Variants in GNS observed in about 807,000 individuals in gnomAD.
GNS encodes glucosamine (N-acetyl)-6-sulfatase, also known as N-acetylglucosamine-6-sulfatase.
A neutral mutation model predicts 69.7 loss-of-function variants in GNS; 40 were observed. The observed-to-expected ratio is 0.57, with a 90% CI of 0.45 to 0.75. The LOEUF (loss-of-function observed/expected upper bound fraction) is 0.75, where lower values mean the gene tolerates loss of function less well. GNS is among the 30% of genes least tolerant of loss of function. The pLI is 0.00. For synonymous variants in GNS, 243 were observed against 251.6 expected, an observed-to-expected ratio of 0.97 and a Z score of 0.32; for missense variants, 565 against 685.5, an observed-to-expected ratio of 0.82 and a Z score of 1.96.
chr12:64,741,760 C>A (rs935954070), intron 6 of GNS, among the ~76,000 whole-genome samples: 2 of 152,148 alleles, frequency 1.3e-5, no homozygotes, highest in Non-Finnish European at 2.9e-5. Flanking sequence ...CCTAAGCCAC[C>A]AGATCTCAAA....
chr12:64,729,470 A>G (rs1869315632), intron 9 of GNS, among the ~76,000 whole-genome samples: 1 of 152,222 alleles, frequency 6.6e-6, no homozygotes, highest in South Asian at 2.1e-4. Flanking sequence ...ACATTTTGGA[A>G]GGCCTCAAAA....
At chr12:64,743,959 C>T (rs577297605) in intron 5 of GNS, among the ~76,000 whole-genome samples, 17 of 152,282 alleles carry the variant, frequency 1.1e-4, no homozygotes, top group Non-Finnish European at 2.2e-4. Context: ...GTATCTATCT[C>T]CTATAATCCC....
intron 2 of GNS, 29 bp downstream of exon 2, chr12:64,752,669 A>C: frequency 8.8e-7 from 1 of 1,140,030 alleles, no homozygotes. Flanking sequence ...CAGTTAAATT[A>C]ACAAAATTGA....
intron 13 of GNS, among the ~76,000 whole-genome samples, chr12:64,719,769 G>A (rs978910761): frequency 6.6e-6 from 1 of 152,128 alleles, no homozygotes; most frequent in Admixed American, 6.6e-5. Flanking sequence ...ATCACAGCAC[G>A]AAAATAACAA....
chr12:64,728,437 C>T (rs1869279835), intron 10 of GNS, among the ~76,000 whole-genome samples: 1 of 152,208 alleles, frequency 6.6e-6, no homozygotes. Flanking sequence ...ATACTGATTA[C>T]ACTTGTATGA....
At position 64,723,114 on chromosome 12, in the gene GNS, C is replaced by G; in HGVS notation, c.1201-1G>C. The G allele has an allele frequency of 6.4e-7, 1 of 1,574,040 alleles. No homozygotes were observed. The highest frequency in any genetic ancestry group is 1.1e-5 in the South Asian group (1 of 90,250). On this transcript the variant is annotated splice_acceptor_variant, in intron 10 of 13. Coordinates refer to ENST00000258145, the MANE Select transcript of GNS (RefSeq NM_002076.4). LOFTEE classifies it high-confidence loss of function. ...GCCAGGTCAAGTTACTGGCACCTCT[C>G]TAGAAAGAAGAGCAAGTGGAATTTC... is the stretch of plus-strand genomic sequence containing the variant.
chr12:64,749,689 T>G (rs1870016160), intron 2 of GNS, among the ~76,000 whole-genome samples: 1 of 152,198 alleles, frequency 6.6e-6, no homozygotes, highest in Non-Finnish European at 1.5e-5. Context: ...ACATAAGATT[T>G]AAGTTAAGGA....
At chr12:64,746,833 C>A (rs1450915588) in intron 3 of GNS, among the ~76,000 whole-genome samples, 1 of 152,182 alleles carries the variant, frequency 6.6e-6, no homozygotes, top group Non-Finnish European at 1.5e-5. Flanking sequence ...TGATCCTTTT[C>A]AAACTGACTC....
chr12:64,737,516 A>G (rs1869591220), intron 8 of GNS, among the ~76,000 whole-genome samples: 2 of 152,214 alleles, frequency 1.3e-5, no homozygotes, highest in Admixed American at 1.3e-4. Context: ...CAAATAACTG[A>G]TAAGGGGAAG....
Position 64,721,679 on chromosome 12 carries a change from T to A in GNS, c.1335A>T (p.Glu445Asp). Residue 445 changes from glutamate (E) to aspartate (D), a missense_variant, in exon 12 of 14, where the codon GAA becomes GAT. Transcript: ENST00000258145. ...AGGCATAGGTATTGTTATAAGCATC[T>A]TCACATACACAGTCTGGGAAGCATT... Reference protein sequence around the residue: ...VSQCFPDCVCEDAYNNTYACV... With the variant: ...VSQCFPDCVCDDAYNNTYACV... 1.9e-6 allele frequency: 3 copies of A among 1,570,748 alleles called. No individual in the cohort carries two copies. The highest frequency in any genetic ancestry group is 2.6e-6 in the Non-Finnish European group (3 of 1,140,334).
At chr12:64,748,604 G>C (rs1869971030) in intron 2 of GNS, among the ~76,000 whole-genome samples, 1 of 152,146 alleles carries the variant, frequency 6.6e-6, no homozygotes, top group African/African-American at 2.4e-5. Context: ...AGACACAGTG[G>C]TTCATTTGCA....
intron 6 of GNS, among the ~76,000 whole-genome samples, chr12:64,741,402 C>T (rs1869732610): frequency 6.6e-6 from 1 of 151,854 alleles, no homozygotes; most frequent in Admixed American, 6.5e-5. Context: ...TTTCATGCCT[C>T]AGCCACCTGA....
intron 1 of GNS, among the ~76,000 whole-genome samples, chr12:64,755,835 T>C (rs974008968): frequency 6.6e-6 from 1 of 150,826 alleles, no homozygotes; most frequent in Non-Finnish European, 1.5e-5. Flanking sequence ...CGCACCACCA[T>C]GCCCGGCCAA....
chr12:64,746,193 T>C (rs554729124), intron 3 of GNS: 54 of 209,212 alleles, frequency 2.6e-4, no homozygotes, highest in African/African-American at 1.1e-3. Flanking sequence ...GTTTACTATC[T>C]GACCCACTAC....
chr12:64,721,846 T>G (rs1402409270), intron 11 of GNS, 141 bp from the exon 12 acceptor site: 9 of 704,706 alleles, frequency 1.3e-5, no homozygotes, highest in Non-Finnish European at 2.1e-5. Flanking sequence ...GGGAAGCCAG[T>G]AACTCAAAAA....
intron 6 of GNS, among the ~76,000 whole-genome samples, chr12:64,742,099 C>T (rs1025442194): frequency 6.6e-6 from 1 of 152,126 alleles, no homozygotes; most frequent in Non-Finnish European, 1.5e-5. Flanking sequence ...CGGCTCACGG[C>T]AAGCTCCGCC....
rs886049762 is a variant in GNS at position 64,714,181 on chromosome 12, A to C, written c.*2560T>G. 6.6e-6 allele frequency: 1 copy of C among 152,216 alleles called. No homozygotes were observed. Among genetic ancestry groups the C allele is most frequent in the Non-Finnish European group, 1.5e-5 (1 of 68,048 alleles). The allele number at this position is 152,216 out of a possible 1,614,324, so 9.4% of individuals were successfully genotyped here. ...ATTTGTCAAATTCAAAGATGCTCAA[A>C]AGGTGTTCCCTACTTTGCATGAGAG... On this transcript the variant is annotated 3_prime_UTR_variant, in exon 14 of 14. Transcript: ENST00000258145.
chr12:64,756,618 G>T, intron 1 of GNS: 1 of 722,930 alleles, frequency 1.4e-6, no homozygotes, highest in Non-Finnish European at 2.4e-6. Context: ...ACTATGTACA[G>T]CAGAGGACTC....
At chr12:64,741,819 T>G (rs1032005078) in intron 6 of GNS, among the ~76,000 whole-genome samples, 1 of 152,216 alleles carries the variant, frequency 6.6e-6, no homozygotes, top group Non-Finnish European at 1.5e-5. Context: ...GTATAGCATA[T>G]TCTCCTGCTA....
Sources: gnomAD v4.1 joint callset for allele counts (sites outside exome capture counted in the v4.1 genomes callset) on GRCh38, gnomAD v4.1.1 for gene constraint, MANE v1.5 for transcripts, NCBI Gene and HGNC (gene_info 2026-07-23, HGNC 2026-07-21) for gene names.